The following DLG1 variants were observed in gnomAD, a reference collection of about 807,000 sequenced individuals.
DLG1 encodes the protein disks large homolog 1.
DLG1 carries 42 observed loss-of-function variants against 123.4 expected under a neutral mutation model. The observed-to-expected ratio is 0.34, with a 90% CI of 0.27 to 0.44. The LOEUF (loss-of-function observed/expected upper bound fraction) is 0.44, where lower values mean the gene tolerates loss of function less well. DLG1 is among the 20% of genes least tolerant of loss of function. The pLI is 1.00. For missense variants in DLG1, 942 were observed against 1,082.6 expected (o/e 0.87, Z 1.82); for synonymous variants, 317 against 356.2 (o/e 0.89, Z 1.24).
rs1720998873 is a variant in DLG1 at position 197,042,820 on chromosome 3, G to A, written c.*1803C>T. 6.6e-6 allele frequency: 1 copy of A among 152,168 alleles called. No homozygotes were observed. The highest frequency in any genetic ancestry group is 1.5e-5 in the Non-Finnish European group (1 of 68,036). The allele number at this position is 152,168 out of a possible 1,614,324, so 9.4% of individuals were successfully genotyped here. ...GTGGTAACACACTCTGCTGCCTAAC[G>A]GCTCTTGGATTCGGTTATAAGTTAC... On this transcript the variant is annotated 3_prime_UTR_variant, in exon 25 of 25. Transcript: ENST00000667157.
At chr3:197,116,337 G>A (rs1372798808) in intron 12 of DLG1, among the ~76,000 whole-genome samples, 4 of 151,752 alleles carry the variant, frequency 2.6e-5, no homozygotes, top group East Asian at 1.9e-4. Flanking sequence ...GAAAAAAAAC[G>A]TGGAAATTTA....
At chr3:197,077,407 T>TG (rs1339091399) in intron 17 of DLG1, among the ~76,000 whole-genome samples, 1 of 152,084 alleles carries the variant, frequency 6.6e-6, no homozygotes. Flanking sequence ...AGAAGTCTCC[T>TG]GACCAACGTG....
At chr3:197,091,601 GAAGT>G (rs1757765471) in intron 14 of DLG1, among the ~76,000 whole-genome samples, 1 of 152,010 alleles carries the variant, frequency 6.6e-6, no homozygotes, top group East Asian at 1.9e-4. Flanking sequence ...AAAGCAATCT[GAAGT>G]AATATTTGTG....
chr3:197,054,398 T>A (rs989069065), intron 23 of DLG1, among the ~76,000 whole-genome samples: 2 of 151,974 alleles, frequency 1.3e-5, no homozygotes, highest in Admixed American at 1.3e-4. Flanking sequence ...GTCTTATAGG[T>A]CCCTTAGGCT....
chr3:197,239,463 TC>T (rs1487297182), intron 4 of DLG1, among the ~76,000 whole-genome samples: 2 of 152,250 alleles, frequency 1.3e-5, no homozygotes, highest in Non-Finnish European at 2.9e-5. Context: ...GACTACTCAC[TC>T]CTAAACTCAT....
At chr3:197,193,565 A>G (rs890097740) in intron 5 of DLG1, among the ~76,000 whole-genome samples, 3 of 152,236 alleles carry the variant, frequency 2.0e-5, no homozygotes, top group Non-Finnish European at 2.9e-5. Context: ...GTATATTCAT[A>G]AAATAGAAAA....
At chr3:197,230,493 A>T (rs908277694) in intron 4 of DLG1, among the ~76,000 whole-genome samples, 4 of 152,234 alleles carry the variant, frequency 2.6e-5, no homozygotes, top group African/African-American at 9.6e-5. Flanking sequence ...ATATTAACTC[A>T]TTATCAAACA....
At position 197,125,420 on chromosome 3, in the gene DLG1, G is replaced by A. The variant is rs113432831; in HGVS notation, c.1165+5107C>T. ...GGGGATTCTGCTGCGAAGAAGAAGG[G>A]GGCAAAGGACTTGAAGATGTGCAAT... On this transcript the variant is annotated intron_variant, in intron 11 of 24. Coordinates refer to ENST00000667157, the MANE Select transcript of DLG1 (RefSeq NM_001366207.1). Among the ~76,000 whole-genome samples the A allele has an allele frequency of 8.1e-3, 1,236 of 152,176 alleles. 12 individuals carry two copies. Among genetic ancestry groups the A allele is most frequent in the African/African-American group, 0.027 (1,127 of 41,510 alleles).
At chr3:197,202,805 G>A (rs1450651687) in intron 4 of DLG1, among the ~76,000 whole-genome samples, 1 of 152,208 alleles carries the variant, frequency 6.6e-6, no homozygotes, top group Non-Finnish European at 1.5e-5. Flanking sequence ...CTGAAGAAGT[G>A]TTCACAACTT....
chr3:197,277,144 G>C (rs1171979772), intron 4 of DLG1, among the ~76,000 whole-genome samples: 1 of 151,366 alleles, frequency 6.6e-6, no homozygotes, highest in Non-Finnish European at 1.5e-5. Flanking sequence ...TGCCCAGCTT[G>C]GCCTCCCAAA....
At chr3:197,191,983 C>T (rs1369880612) in intron 5 of DLG1, among the ~76,000 whole-genome samples, 1 of 151,992 alleles carries the variant, frequency 6.6e-6, no homozygotes, top group African/African-American at 2.4e-5. Flanking sequence ...CAAAACAAGC[C>T]TGGGCAACAG....
intron 5 of DLG1, among the ~76,000 whole-genome samples, chr3:197,157,740 A>C (rs1286758032): frequency 2.6e-5 from 4 of 152,212 alleles, no homozygotes; most frequent in Non-Finnish European, 5.9e-5. Flanking sequence ...CCAAAATGGT[A>C]ATGAAAAAGA....
rs557397316 is a variant in DLG1 at position 197,051,744 on chromosome 3, A to T, written c.2484-76T>A. On this transcript the variant is annotated intron_variant, in intron 23 of 24. Transcript: ENST00000667157. ...AAAAAAAGATGGCAAAGGAGAGATGACACATAAAATAGAAAATCATGAAAA... is the reference window on the plus strand; with the variant it reads ...AAAAAAAGATGGCAAAGGAGAGATGTCACATAAAATAGAAAATCATGAAAA... 46 of 1,115,274 alleles carry T rather than the reference A, an allele frequency of 4.1e-5. No individual in the cohort carries two copies. In the African/African-American group the frequency reaches 6.2e-4, roughly 15 times the overall value. The allele number at this position is 1,115,274 out of a possible 1,614,324, so 69.1% of individuals were successfully genotyped here.
intron 4 of DLG1, among the ~76,000 whole-genome samples, chr3:197,258,468 T>C (rs1262854401): frequency 6.6e-6 from 1 of 152,120 alleles, no homozygotes; most frequent in African/African-American, 2.4e-5. Context: ...TCATCATTGC[T>C]TTAGCTCAAC....
At chr3:197,121,341 C>A (rs556614694) in intron 11 of DLG1, among the ~76,000 whole-genome samples, 1 of 152,086 alleles carries the variant, frequency 6.6e-6, no homozygotes, top group South Asian at 2.1e-4. Flanking sequence ...ACAAGAGTGC[C>A]TAATTCATTT....
Position 197,140,277 on chromosome 3 carries a change from G to GA in DLG1, c.589-14dup. 7 of 1,603,358 alleles carry GA rather than the reference G, an allele frequency of 4.4e-6. No homozygotes were observed. The highest frequency in any genetic ancestry group is 2.2e-5 in the South Asian group (2 of 89,066). On this transcript the variant is annotated splice_polypyrimidine_tract_variant and intron_variant, in intron 7 of 24. Coordinates refer to ENST00000667157, the MANE Select transcript of DLG1 (RefSeq NM_001366207.1). ...GCCCTGAATTTCCCTGAGGATAGAA[G>GA]AAAAAAAATTGAGACTGAATATGAT...
chr3:197,215,383 A>C (rs1014008681), intron 4 of DLG1, among the ~76,000 whole-genome samples: 3 of 152,148 alleles, frequency 2.0e-5, no homozygotes, highest in African/African-American at 7.2e-5. Flanking sequence ...CCAAAACAAA[A>C]ATTTCAGGCA....
chr3:197,209,767 A>G lies in DLG1; in HGVS notation c.319-15178T>C, dbSNP rs544161193. Among the ~76,000 whole-genome samples the G allele has an allele frequency of 6.1e-5, 9 of 146,832 alleles. 1 individual carries two copies. Among genetic ancestry groups the G allele is most frequent in the Non-Finnish European group, 1.4e-4 (9 of 65,324 alleles). Reference sequence around the variant, plus strand: ...CACACTTCTAAAAATCTCATGGTTCAAAGAACTCAAGAAGGAAATCAGAAA... The same window carrying G: ...CACACTTCTAAAAATCTCATGGTTCGAAGAACTCAAGAAGGAAATCAGAAA... On this transcript the variant is annotated intron_variant, in intron 4 of 24. Coordinates refer to ENST00000667157, the MANE Select transcript of DLG1 (RefSeq NM_001366207.1).
chr3:197,214,382 C>T (rs985096542), intron 4 of DLG1, among the ~76,000 whole-genome samples: 6 of 151,818 alleles, frequency 4.0e-5, no homozygotes, highest in Admixed American at 2.6e-4. Context: ...AGACCAGCCT[C>T]GCTAACACGG....
Sources: gnomAD v4.1 joint callset for allele counts (sites outside exome capture counted in the v4.1 genomes callset) on GRCh38, gnomAD v4.1.1 for gene constraint, MANE v1.5 for transcripts, NCBI Gene and HGNC (gene_info 2026-07-23, HGNC 2026-07-21) for gene names.